Variants in IL22 observed in about 807,000 individuals in gnomAD.
IL22 encodes the protein interleukin-22.
Under a neutral mutation model 15.5 loss-of-function variants are expected in IL22, and 15 were observed. The observed-to-expected ratio is 0.97, with a 90% confidence interval of 0.65 to 1.49. IL22 has a LOEUF of 1.49. Ranked by LOEUF, IL22 falls within the 40% of genes most tolerant of loss-of-function variation. The probability of loss-of-function intolerance (pLI) is 0.00; values close to 1 mark genes in which losing one functional copy is unlikely to be tolerated. For missense variants in IL22, 225 were observed against 215.4 expected (o/e 1.04, Z -0.28); for synonymous variants, 91 against 82.0 (o/e 1.11, Z -0.60).
At chr12:68,250,003 C>A (rs970766448) in intron 5 of IL22, among the ~76,000 whole-genome samples, 1 of 152,130 alleles carries the variant, frequency 6.6e-6, no homozygotes, top group East Asian at 1.9e-4. Flanking sequence ...GCTTTTACCC[C>A]CAACGAGAGG....
intron 5 of IL22, 28 bp downstream of exon 5, chr12:68,251,485 A>G (rs766160868): frequency 2.6e-6 from 4 of 1,518,202 alleles, no homozygotes; most frequent in African/African-American, 2.7e-5. Context: ...CTATTGCATG[A>G]CTTAGCATTG....
Position 68,253,492 on chromosome 12 carries a change from A to C in IL22, c.-44T>G. ...GAGCAACTGGTGACTGGGGAAGGAG[A>C]ACCTGGTCGAAGACAACGTGAAGGA... On this transcript the variant is annotated splice_region_variant and 5_prime_UTR_variant, in exon 2 of 6. Coordinates refer to ENST00000538666, the MANE Select transcript of IL22 (RefSeq NM_020525.5). 6.9e-7 allele frequency: 1 copy of C among 1,457,842 alleles called. No individual in the cohort carries two copies. The highest frequency in any genetic ancestry group is 9.3e-7 in the Non-Finnish European group (1 of 1,076,914). The allele number at this position is 1,457,842 out of a possible 1,614,324, so 90.3% of individuals were successfully genotyped here. A position where few individuals can be genotyped will look rare whatever the true frequency, so the allele number is the denominator to read the frequency against.
rs1869819355 is a variant in IL22, at chr12:68,248,695, G to A, written c.*104C>T. 1 of 842,984 alleles carries A rather than the reference G, an allele frequency of 1.2e-6. No individual in the cohort carries two copies. The highest frequency in any genetic ancestry group is 1.7e-5 in the African/African-American group (1 of 58,914). 52.2% of individuals were successfully genotyped at this position (842,984 alleles called of 1,614,324 possible). On this transcript the variant is annotated 3_prime_UTR_variant, in exon 6 of 6. Coordinates refer to ENST00000538666, the MANE Select transcript of IL22 (RefSeq NM_020525.5). The stretch of plus-strand genomic sequence containing the variant: ...AATCCACCCATCATGATGGAGTTTG[G>A]CTTCCCATCTTCCTTTTGGTTAAAA...
intron 5 of IL22, among the ~76,000 whole-genome samples, chr12:68,249,121 T>G (rs1028132510): frequency 1.1e-4 from 17 of 152,114 alleles, no homozygotes; most frequent in Non-Finnish European, 1.5e-5. Context: ...ATGAAGCTGT[T>G]TAAAAGCTGG....
At chr12:68,252,454 G>T in intron 4 of IL22, 50 bp downstream of exon 4, 1 of 1,598,080 alleles carries the variant, frequency 6.3e-7, no homozygotes, top group Non-Finnish European at 8.6e-7. Context: ...GGGTCTCTGT[G>T]GAAGGAGGGA....
rs1869981556 is a variant in IL22 at position 68,252,803 on chromosome 12, G to C, written c.213C>G (p.Asp71Glu). 2 of 1,613,814 alleles carry C rather than the reference G, an allele frequency of 1.2e-6. No individual in the cohort carries two copies. Among genetic ancestry groups the C allele is most frequent in the African/African-American group, 1.3e-5 (1 of 74,882 alleles). ...KEASLADNNTDVRLIGEKLFH... is the reference protein window; with the variant it reads ...KEASLADNNTEVRLIGEKLFH... ...ACAGTTTCTCCCCAATGAGACGAAC[G>C]TCTGTGTTGTTATCAGCCAAGCTAG... The change falls in exon 3 of 6, where the codon GAC (aspartate) becomes GAG (glutamate). Residue 71 changes from aspartate (D) to glutamate (E), a missense_variant. Asp to Glu is a conservative substitution (Grantham distance 45). Coordinates refer to ENST00000538666, the MANE Select transcript of IL22 (RefSeq NM_020525.5).
intron 5 of IL22, among the ~76,000 whole-genome samples, chr12:68,249,809 C>A (rs1869864671): frequency 6.6e-6 from 1 of 152,122 alleles, no homozygotes; most frequent in African/African-American, 2.4e-5. Context: ...TCACCATTGT[C>A]CTCTGTATAA....
intron 5 of IL22, 77 bp downstream of exon 5, chr12:68,251,436 G>T: frequency 1.9e-6 from 2 of 1,073,342 alleles, no homozygotes; most frequent in Non-Finnish European, 1.5e-6. Context: ...ACAAAGTGAT[G>T]GGAAGAAAGA....
At chr12:68,252,673 G>C in intron 3 of IL22, 26 bp from the exon 4 acceptor site, 1 of 1,613,786 alleles carries the variant, frequency 6.2e-7, no homozygotes. Context: ...AAACAGAAAG[G>C]GTCATAAGGG....
At chr12:68,251,681 T>C (rs1654564368) in intron 4 of IL22, 103 bp from the exon 5 acceptor site, 1 of 877,588 alleles carries the variant, frequency 1.1e-6, no homozygotes, top group Non-Finnish European at 1.9e-6. Flanking sequence ...ATTAAAGCTC[T>C]TAGTAATTTT....
At chr12:68,249,501 T>A (rs1235581406) in intron 5 of IL22, among the ~76,000 whole-genome samples, 2 of 152,238 alleles carry the variant, frequency 1.3e-5, no homozygotes, top group African/African-American at 2.4e-5. Context: ...TCTACTCAAA[T>A]GACTTTGAAC....
rs1178607453 is a variant in IL22 at position 68,248,622 on chromosome 12, C to T, written c.*177G>A. 2 of 577,386 alleles carry T rather than the reference C, an allele frequency of 3.5e-6. No individual in the cohort carries two copies. Among genetic ancestry groups the T allele is most frequent in the Non-Finnish European group, 6.1e-6 (2 of 325,710 alleles). 35.8% of individuals were successfully genotyped at this position (577,386 alleles called of 1,614,324 possible). The stretch of plus-strand genomic sequence containing the variant: ...AAAGTCTACCTTCTGGTCTTATAAA[C>T]AAAAGTGGCATTGGTTTCCTTTGTA... On this transcript the variant is annotated 3_prime_UTR_variant, in exon 6 of 6. Coordinates refer to ENST00000538666, the MANE Select transcript of IL22 (RefSeq NM_020525.5).
Position 68,252,563 on chromosome 12 carries a change from G to C in IL22, c.337C>G (p.Pro113Ala), listed in dbSNP as rs1869969974. 1.2e-6 allele frequency: 2 copies of C among 1,613,920 alleles called. No homozygotes were observed. The highest frequency in any genetic ancestry group is 1.3e-5 in the African/African-American group (1 of 74,912). ...AAGGGCACCACCTCCTGCATATAAG[G>C]CTGGAACCTATCAGATTGAGGGAAC... ...VLFPQSDRFQPYMQEVVPFLA... is the reference protein window; with the variant it reads ...VLFPQSDRFQAYMQEVVPFLA... Residue 113 changes from proline to alanine, a missense_variant, in exon 4 of 6, where the codon CCT becomes GCT. Transcript: ENST00000538666.
Position 68,252,992 on chromosome 12 carries a change from G to T in IL22, c.187-163C>A, listed in dbSNP as rs1300973681. On this transcript the variant is annotated intron_variant, in intron 2 of 5. Transcript: ENST00000538666. ...TTAGAACAATGCACAGAGGCATAAAGGAAAAAAAAAATCATCAGATGGATT... is the reference window on the plus strand; with the variant it reads ...TTAGAACAATGCACAGAGGCATAAATGAAAAAAAAAATCATCAGATGGATT... Among the ~76,000 whole-genome samples, 3 of 139,842 alleles carry T rather than the reference G, an allele frequency of 2.1e-5. No individual in the cohort carries two copies. In the South Asian group the frequency reaches 7.3e-4, roughly 34 times the overall value. 91.7% of individuals were successfully genotyped at this position (139,842 alleles called of 152,430 possible). A position where few individuals can be genotyped will look rare whatever the true frequency, so the allele number is the denominator to read the frequency against.
chr12:68,252,905 A>T lies in IL22; in HGVS notation c.187-76T>A, dbSNP rs956024446. 10 of 1,111,454 alleles carry T rather than the reference A, an allele frequency of 9.0e-6. No individual in the cohort carries two copies. In the African/African-American group the frequency reaches 1.5e-4, roughly 17 times the overall value. 68.8% of individuals were successfully genotyped at this position (1,111,454 alleles called of 1,614,324 possible). A position where few individuals can be genotyped will look rare whatever the true frequency, so the allele number is the denominator to read the frequency against. ...AAATTTATACATAGACATGTGCCCC[A>T]TCCCGTCTCCCCAGAGCAACATCAT... On this transcript the variant is annotated intron_variant, in intron 2 of 5. Transcript: ENST00000538666.
intron 3 of IL22, 58 bp from the exon 4 acceptor site, chr12:68,252,705 C>A: frequency 1.2e-6 from 2 of 1,611,954 alleles, no homozygotes; most frequent in African/African-American, 1.3e-5. Context: ...ACCATCATCA[C>A]CACCACCCCA....
chr12:68,252,089 AC>A (rs1869951469), intron 4 of IL22, among the ~76,000 whole-genome samples: 1 of 151,574 alleles, frequency 6.6e-6, no homozygotes, highest in African/African-American at 2.4e-5. Context: ...CAGTCTGCCG[AC>A]CCACCACCGA....
Position 68,252,805 on chromosome 12 carries a change from C to T in IL22, c.211G>A (p.Asp71Asn). The T allele has an allele frequency of 6.2e-7, 1 of 1,613,902 alleles. No homozygotes were observed. Among genetic ancestry groups the T allele is most frequent in the Non-Finnish European group, 8.5e-7 (1 of 1,179,888 alleles). ...AGTTTCTCCCCAATGAGACGAACGT[C>T]TGTGTTGTTATCAGCCAAGCTAGCC... ...KEASLADNNT[D>N]VRLIGEKLFH... Residue 71 changes from aspartate to asparagine, a missense_variant, in exon 3 of 6, where the codon GAC (aspartate) becomes AAC (asparagine). Physicochemically the swap from Asp to Asn is conservative, Grantham distance 23. Transcript: ENST00000538666.
intron 5 of IL22, among the ~76,000 whole-genome samples, chr12:68,250,166 C>A (rs902303593): frequency 2.0e-5 from 3 of 152,190 alleles, no homozygotes; most frequent in Non-Finnish European, 4.4e-5. Context: ...CAACCCATTG[C>A]AAATATGAAA....
Sources: gnomAD v4.1 joint callset for allele counts (sites outside exome capture counted in the v4.1 genomes callset) on GRCh38, gnomAD v4.1.1 for gene constraint, MANE v1.5 for transcripts, NCBI Gene and HGNC (gene_info 2026-07-23, HGNC 2026-07-21) for gene names.